Variants in KAZN observed in about 807,000 individuals in gnomAD.
The protein encoded by KAZN is kazrin, periplakin interacting protein, also known as kazrin.
In KAZN, 40 loss-of-function variants were observed where a neutral mutation model predicts 87.4. The observed-to-expected ratio is 0.46, with a 90% CI of 0.36 to 0.60. The LOEUF (loss-of-function observed/expected upper bound fraction) is 0.60. Among genes scored for constraint, KAZN ranks in the 20% least tolerant of loss-of-function variants. The pLI, the probability that KAZN is intolerant of heterozygous loss-of-function variation, is 0.00. For missense variants in KAZN, 898 were observed against 1,073.9 expected, an observed-to-expected ratio of 0.84 and a Z score of 2.29; for synonymous variants, 466 against 458.3, an observed-to-expected ratio of 1.02 and a Z score of -0.22.
chr1:14,131,058 C>A (rs1447206280), intron 1 of KAZN, among the ~76,000 whole-genome samples: 1 of 152,092 alleles, frequency 6.6e-6, no homozygotes, highest in African/African-American at 2.4e-5. Context: ...AACTTACAAT[C>A]GTGGCAGAAG....
At chr1:14,909,742 G>C (rs1657031439) in intron 1 of KAZN, among the ~76,000 whole-genome samples, 1 of 152,116 alleles carries the variant, frequency 6.6e-6, no homozygotes, top group African/African-American at 2.4e-5. Flanking sequence ...GTATGCAGTT[G>C]GTGCTTTCAT....
intron 1 of KAZN, among the ~76,000 whole-genome samples, chr1:14,877,683 C>T (rs1326790341): frequency 1.3e-5 from 2 of 152,320 alleles, no homozygotes; most frequent in East Asian, 3.9e-4. Flanking sequence ...CTTCAGTCTT[C>T]TCATCCATAA....
intron 2 of KAZN, among the ~76,000 whole-genome samples, chr1:14,543,150 T>C (rs778391761): frequency 6.6e-6 from 1 of 152,198 alleles, no homozygotes; most frequent in African/African-American, 2.4e-5. Context: ...CTATATGACC[T>C]GTGTCATAAT....
At chr1:14,331,651 T>C (rs894185779) in intron 2 of KAZN, among the ~76,000 whole-genome samples, 1 of 152,160 alleles carries the variant, frequency 6.6e-6, no homozygotes, top group African/African-American at 2.4e-5. Context: ...AGTTAATTCA[T>C]TTTTGTTCTC....
intron 2 of KAZN, among the ~76,000 whole-genome samples, chr1:14,588,280 T>C (rs1011879221): frequency 4.6e-5 from 7 of 152,184 alleles, no homozygotes; most frequent in African/African-American, 1.7e-4. Context: ...TCTTGGATAG[T>C]TGAGACAAAT....
chr1:14,459,844 C>A (rs1366762295), intron 2 of KAZN, among the ~76,000 whole-genome samples: 1 of 152,156 alleles, frequency 6.6e-6, no homozygotes, highest in South Asian at 2.1e-4. Flanking sequence ...GAAAGAAAGG[C>A]AAGATTTTGG....
exon 1 of KAZN, chr1:13,893,690 A>G (rs1031935088): frequency 1.4e-5 from 22 of 1,550,304 alleles, no homozygotes; most frequent in Non-Finnish European, 1.7e-5. Flanking sequence ...GGCGACATCC[A>G]ATTCTGCCAC....
At chr1:14,644,157 G>A (rs1306297035) in intron 1 of KAZN, among the ~76,000 whole-genome samples, 7 of 151,162 alleles carry the variant, frequency 4.6e-5, no homozygotes, top group Non-Finnish European at 1.0e-4. Flanking sequence ...GATTACAGGT[G>A]CCCACCACCA....
In KAZN at chr1:14,739,364, C is replaced by G. The variant is rs577741175; in HGVS notation, c.226+140141C>G. 2.0e-5 allele frequency among the ~76,000 whole-genome samples: 3 copies of G among 152,168 alleles called. No homozygotes were observed. In the East Asian group the frequency reaches 5.8e-4, roughly 30 times the overall value. On this transcript the variant is annotated intron_variant, in intron 1 of 14. Transcript: ENST00000376030. ...TGGCCTCTGGCTGCTACCCCATACCCCAGCTTTATTAGGTGCTGGCATCGG... is the reference window on the plus strand; with the variant it reads ...TGGCCTCTGGCTGCTACCCCATACCGCAGCTTTATTAGGTGCTGGCATCGG...
chr1:14,718,845 G>A (rs1642945598), intron 1 of KAZN, among the ~76,000 whole-genome samples: 1 of 152,154 alleles, frequency 6.6e-6, no homozygotes, highest in South Asian at 2.1e-4. Context: ...GGATCCTTAG[G>A]GGACATCATG....
At position 14,977,728 on chromosome 1, in the gene KAZN, C is replaced by T. The variant is rs1222950200; in HGVS notation, c.418+16853C>T. Among the ~76,000 whole-genome samples the T allele has an allele frequency of 2.0e-5, 3 of 152,242 alleles. No individual in the cohort carries two copies. The East Asian group carries it at 5.8e-4, about 30-fold the overall frequency. On this transcript the variant is annotated intron_variant, in intron 2 of 14. Coordinates refer to ENST00000376030, the MANE Select transcript of KAZN (RefSeq NM_201628.3). The stretch of plus-strand genomic sequence containing the variant: ...GGGCTGGGACAGCCCTGGGTGGCGC[C>T]CAGGAGAGAGGTCCACCAGGTGGCT...
intron 2 of KAZN, among the ~76,000 whole-genome samples, chr1:14,219,540 C>T (rs1647046419): frequency 6.6e-6 from 1 of 152,124 alleles, no homozygotes; most frequent in African/African-American, 2.4e-5. Context: ...GACAGGCAGA[C>T]CTGTAAACAA....
intron 1 of KAZN, among the ~76,000 whole-genome samples, chr1:14,672,298 T>C (rs1639963583): frequency 6.6e-6 from 1 of 152,176 alleles, no homozygotes; most frequent in African/African-American, 2.4e-5. Flanking sequence ...AGTGGTAGGT[T>C]AAAAAGAAAA....
chr1:14,768,847 A>G (rs1644950378), intron 1 of KAZN, among the ~76,000 whole-genome samples: 1 of 152,174 alleles, frequency 6.6e-6, no homozygotes, highest in Admixed American at 6.5e-5. Flanking sequence ...GTGTGGCCAA[A>G]TGGTTTGCTT....
At chr1:14,595,017 C>T (rs545523326), upstream of KAZN, among the ~76,000 whole-genome samples, 3 of 152,020 alleles carry the variant, frequency 2.0e-5, no homozygotes, top group Non-Finnish European at 4.4e-5. Context: ...TGGTGGTGGG[C>T]ACCTGTAACC....
At chr1:14,149,855 G>A (rs1302080129) in intron 1 of KAZN, among the ~76,000 whole-genome samples, 2 of 152,100 alleles carry the variant, frequency 1.3e-5, no homozygotes, top group Non-Finnish European at 2.9e-5. Context: ...GCATATTTTT[G>A]TGTGATTTGC....
chr1:14,358,049 C>T (rs1191792860), intron 2 of KAZN, among the ~76,000 whole-genome samples: 2 of 152,098 alleles, frequency 1.3e-5, no homozygotes, highest in Admixed American at 1.3e-4. Context: ...AATCCATCTG[C>T]TCCTGGGCTT....
intron 1 of KAZN, among the ~76,000 whole-genome samples, chr1:14,166,243 C>T (rs776469676): frequency 2.0e-4 from 30 of 152,076 alleles, no homozygotes; most frequent in East Asian, 1.2e-3. Flanking sequence ...GGAACCTGGG[C>T]GGCAGAGGCT....
At chr1:14,414,369 T>C (rs1254097435) in intron 2 of KAZN, among the ~76,000 whole-genome samples, 1 of 150,598 alleles carries the variant, frequency 6.6e-6, no homozygotes, top group African/African-American at 2.4e-5. Context: ...AAAAACCTTT[T>C]ATAGTGGTGG....
Sources: allele counts gnomAD v4.1 joint callset (sites outside exome capture counted in the v4.1 genomes callset), GRCh38; gene constraint gnomAD v4.1.1; transcripts MANE v1.5; gene names NCBI Gene and HGNC (gene_info 2026-07-23, HGNC 2026-07-21).